Variants in ANKRD55 observed in about 807,000 individuals in gnomAD.
ANKRD55 encodes ankyrin repeat domain 55, also known as ankyrin repeat domain-containing protein 55.
ANKRD55 carries 41 observed loss-of-function variants against 60.6 expected under a neutral mutation model. The observed-to-expected ratio is 0.68, with a 90% CI of 0.53 to 0.88. ANKRD55 has a LOEUF of 0.88. Among genes scored for constraint, ANKRD55 ranks in the 40% least tolerant of loss-of-function variants. The pLI is 0.00. For missense variants in ANKRD55, 732 were observed against 767.6 expected (o/e 0.95, Z 0.55); for synonymous variants, 264 against 290.3 (o/e 0.91, Z 0.92).
intron 2 of ANKRD55, among the ~76,000 whole-genome samples, chr5:56,209,632 A>G (rs941543097): frequency 4.0e-5 from 6 of 151,856 alleles, no homozygotes; most frequent in Non-Finnish European, 7.4e-5. Flanking sequence ...GCGCCTGGCT[A>G]ATTTTTGTAT....
chr5:56,193,291 A>G, intron 2 of ANKRD55: 1 of 1,090,848 alleles, frequency 9.2e-7, no homozygotes, highest in Non-Finnish European at 1.3e-6. Flanking sequence ...GATGCATGGA[A>G]ATTATAAATG....
Position 56,100,051 on chromosome 5 carries a change from G to C in ANKRD55, c.*132C>G. The C allele has an allele frequency of 8.4e-7, 1 of 1,197,142 alleles. No individual in the cohort carries two copies. The highest frequency in any genetic ancestry group is 1.2e-6 in the Non-Finnish European group (1 of 844,086). The allele number at this position is 1,197,142 out of a possible 1,614,324, so 74.2% of individuals were successfully genotyped here. The stretch of plus-strand genomic sequence containing the variant: ...ATCTTTATTTGGAATAAAGAATTTC[G>C]AGTTATAAAACTGATGGCTTATAGA... On this transcript the variant is annotated 3_prime_UTR_variant, in exon 12 of 12. Coordinates refer to ENST00000341048, the MANE Select transcript of ANKRD55 (RefSeq NM_024669.3).
intron 2 of ANKRD55, among the ~76,000 whole-genome samples, chr5:56,203,219 T>C (rs1759419995): frequency 6.6e-6 from 1 of 152,172 alleles, no homozygotes; most frequent in Admixed American, 6.5e-5. Flanking sequence ...TAATCCGAAT[T>C]GTAATCCCTA....
At chr5:56,166,102 CT>C (rs1203340788) in intron 5 of ANKRD55, among the ~76,000 whole-genome samples, 2 of 38,438 alleles carry the variant, frequency 5.2e-5, no homozygotes, top group African/African-American at 8.4e-5. Context: ...TTCTTTCTTT[CT>C]TTCTTTCTTT....
At chr5:56,200,112 A>G (rs899127298) in intron 2 of ANKRD55, among the ~76,000 whole-genome samples, 1 of 152,208 alleles carries the variant, frequency 6.6e-6, no homozygotes, top group African/African-American at 2.4e-5. Context: ...CAAATTCTCT[A>G]TAATGAATTT....
chr5:56,168,383 C>T (rs528124447), intron 5 of ANKRD55, among the ~76,000 whole-genome samples: 52 of 152,310 alleles, frequency 3.4e-4, no homozygotes, highest in Non-Finnish European at 6.8e-4. Context: ...AACTACACTC[C>T]GCTCTCATTA....
intron 4 of ANKRD55, among the ~76,000 whole-genome samples, chr5:56,175,537 G>C (rs1561281563): frequency 2.0e-5 from 3 of 152,198 alleles, no homozygotes; most frequent in African/African-American, 4.8e-5. Context: ...GCTTAACCAG[G>C]CTTGCTCTAA....
intron 9 of ANKRD55, among the ~76,000 whole-genome samples, chr5:56,112,509 A>AAAAAAAAAAC (rs1580942311): frequency 6.8e-6 from 1 of 146,506 alleles, no homozygotes; most frequent in African/African-American, 2.5e-5. Flanking sequence ...TCTAGCAAAA[A>AAAAAAAAAAC]AAAAAAAAAA....
intron 8 of ANKRD55, 144 bp downstream of exon 8, chr5:56,126,778 A>G (rs2111720243): frequency 1.1e-6 from 1 of 881,404 alleles, no homozygotes; most frequent in East Asian, 2.7e-5. Context: ...AAAATAGAGC[A>G]ATTTTTATTG....
At position 56,116,724 on chromosome 5, in the gene ANKRD55, C is replaced by T. The variant is rs926467275; in HGVS notation, c.856G>A (p.Glu286Lys). The change falls in exon 9 of 12, where the codon GAG becomes AAG. Residue 286 changes from glutamate to lysine, a missense_variant. Transcript: ENST00000341048. Reference protein sequence around the residue: ...GKAECVQSLLELGMDSNLRDI... With the variant: ...GKAECVQSLLKLGMDSNLRDI... ...CGCAGGTTGCTGTCCATTCCCAACT[C>T]CAGCAGTGACTGGACACATTCGGCC... The T allele has an allele frequency of 6.2e-7, 1 of 1,613,868 alleles. No individual in the cohort carries two copies. Among genetic ancestry groups the T allele is most frequent in the Non-Finnish European group, 8.5e-7 (1 of 1,179,952 alleles).
At chr5:56,232,747 C>T in intron 2 of ANKRD55, 109 bp downstream of exon 2, 1 of 585,048 alleles carries the variant, frequency 1.7e-6, no homozygotes, top group Non-Finnish European at 2.9e-6. Context: ...CGCACATGAA[C>T]ACACACACAC....
intron 5 of ANKRD55, among the ~76,000 whole-genome samples, chr5:56,169,613 G>C (rs1758560889): frequency 6.6e-6 from 1 of 152,074 alleles, no homozygotes; most frequent in Non-Finnish European, 1.5e-5. Context: ...CTTGGGAATA[G>C]TCCTGGAATT....
At chr5:56,181,654 G>A (rs1348900121) in intron 3 of ANKRD55, among the ~76,000 whole-genome samples, 3 of 152,088 alleles carry the variant, frequency 2.0e-5, no homozygotes, top group African/African-American at 7.2e-5. Context: ...GCAGTAGTGC[G>A]ATCTCGGCTC....
At chr5:56,151,814 GAAA>G (rs35624717) in intron 6 of ANKRD55, among the ~76,000 whole-genome samples, 1 of 120,326 alleles carries the variant, frequency 8.3e-6, no homozygotes, top group Non-Finnish European at 1.7e-5. Flanking sequence ...CCACATCTCG[GAAA>G]AAAAAAAATC....
chr5:56,136,533 C>T (rs972521483), intron 7 of ANKRD55, among the ~76,000 whole-genome samples: 3 of 152,138 alleles, frequency 2.0e-5, no homozygotes, highest in African/African-American at 7.2e-5. Context: ...GGTGCTGAAA[C>T]AACTGGACAT....
chr5:56,135,273 TC>T lies in ANKRD55; in HGVS notation c.613-8168del, dbSNP rs1251205137. On this transcript the variant is annotated intron_variant, in intron 7 of 11. Coordinates refer to ENST00000341048, the MANE Select transcript of ANKRD55 (RefSeq NM_024669.3). The stretch of plus-strand genomic sequence containing the variant: ...TTCCTTCCTTCCTTCTTTCCCTCCC[TC>T]CCTCCCTGCCTGCCTGCTTGCTTTC... Among the ~76,000 whole-genome samples the T allele has an allele frequency of 3.3e-4, 41 of 123,952 alleles. 1 individual carries two copies. Among genetic ancestry groups the T allele is most frequent in the Non-Finnish European group, 5.0e-4 (30 of 59,570 alleles). The allele number at this position is 123,952 out of a possible 152,430, so 81.3% of individuals were successfully genotyped here.
At chr5:56,129,911 A>G (rs1213057697) in intron 7 of ANKRD55, among the ~76,000 whole-genome samples, 1 of 152,216 alleles carries the variant, frequency 6.6e-6, no homozygotes, top group Non-Finnish European at 1.5e-5. Flanking sequence ...ATCCTGGCTC[A>G]TCGGTTGGAG....
At chr5:56,201,936 C>T (rs1759390758) in intron 2 of ANKRD55, among the ~76,000 whole-genome samples, 1 of 152,190 alleles carries the variant, frequency 6.6e-6, no homozygotes, top group Admixed American at 6.5e-5. Flanking sequence ...AAATGTGATA[C>T]ATATGCACCA....
At chr5:56,112,510 A>AACAAAAAAACAAAAAAACAAAAAAAC (rs1756749251) in intron 9 of ANKRD55, among the ~76,000 whole-genome samples, 1 of 138,004 alleles carries the variant, frequency 7.2e-6, no homozygotes, top group African/African-American at 2.6e-5. Context: ...CTAGCAAAAA[A>AACAAAAAAACAAAAAAACAAAAAAAC]AAAAAAAAAA....
Sources: allele counts gnomAD v4.1 joint callset (sites outside exome capture counted in the v4.1 genomes callset), GRCh38; gene constraint gnomAD v4.1.1; transcripts MANE v1.5; gene names NCBI Gene and HGNC (gene_info 2026-07-23, HGNC 2026-07-21).